Variants in RIMS2 observed in about 807,000 individuals in gnomAD.
RIMS2 encodes regulating synaptic membrane exocytosis 2.
RIMS2 carries 59 observed loss-of-function variants against 174.4 expected under a neutral mutation model. The ratio of observed to expected loss-of-function variants is 0.34; its 90% CI spans 0.27 to 0.42. RIMS2 has a LOEUF of 0.42. Among genes scored for constraint, RIMS2 ranks in the 10% least tolerant of loss-of-function variants. RIMS2 has a pLI of 1.00. For missense variants in RIMS2, 1,620 were observed against 1,666.3 expected, an observed-to-expected ratio of 0.97 and a Z score of 0.48; for synonymous variants, 606 against 572.5, an observed-to-expected ratio of 1.06 and a Z score of -0.84.
At chr8:104,096,914 G>T (rs972439669) in intron 19 of RIMS2, among the ~76,000 whole-genome samples, 4 of 151,716 alleles carry the variant, frequency 2.6e-5, no homozygotes, top group Middle Eastern at 3.5e-3. Flanking sequence ...AATGTTGGTA[G>T]CACTCATTAA....
intron 1 of RIMS2, among the ~76,000 whole-genome samples, chr8:103,530,650 A>G: frequency 6.6e-6 from 1 of 152,314 alleles, no homozygotes. Context: ...TAAAGCAAAA[A>G]TATCACTAGA....
intron 19 of RIMS2, among the ~76,000 whole-genome samples, chr8:104,117,677 T>C (rs1466190768): frequency 6.6e-6 from 1 of 152,172 alleles, no homozygotes; most frequent in Non-Finnish European, 1.5e-5. Context: ...GGGAATGTAA[T>C]TGTGGGCAAA....
At chr8:103,648,083 C>T (rs2096378395) in intron 1 of RIMS2, among the ~76,000 whole-genome samples, 1 of 151,932 alleles carries the variant, frequency 6.6e-6, no homozygotes, top group African/African-American at 2.4e-5. Context: ...CCTAACACTG[C>T]TTTAGCTGCG....
rs527864788 is a variant in RIMS2, at chr8:103,862,432, C to T, written c.699-22866C>T. Among the ~76,000 whole-genome samples the T allele has an allele frequency of 4.6e-5, 7 of 151,676 alleles. No individual in the cohort carries two copies. The East Asian group carries it at 1.2e-3, about 25-fold the overall frequency. Reference sequence around the variant, plus strand: ...TGTGATGCCTCCAGCTTTCATTTCCCTTGGATTGCTTTGGCTATTCAGGCT... The same window carrying T: ...TGTGATGCCTCCAGCTTTCATTTCCTTTGGATTGCTTTGGCTATTCAGGCT... On this transcript the variant is annotated intron_variant, in intron 3 of 23. Transcript: ENST00000504942.
intron 1 of RIMS2, among the ~76,000 whole-genome samples, chr8:103,693,104 C>T (rs2097052608): frequency 6.6e-6 from 1 of 152,178 alleles, no homozygotes; most frequent in Non-Finnish European, 1.5e-5. Flanking sequence ...GGTCTAAATG[C>T]TCCCTCTATG....
chr8:103,977,560 C>T (rs1323442845), intron 16 of RIMS2: 5 of 152,200 alleles, frequency 3.3e-5, no homozygotes, highest in Non-Finnish European at 5.9e-5. Context: ...CACCAAGCGA[C>T]TTGCCAGCAG....
chr8:104,178,300 C>T (rs1229214279), intron 19 of RIMS2, among the ~76,000 whole-genome samples: 1 of 152,120 alleles, frequency 6.6e-6, no homozygotes, highest in African/African-American at 2.4e-5. Context: ...CATCTCCTTG[C>T]TGCCTGTAAG....
At chr8:104,133,765 G>A (rs1047228698) in intron 19 of RIMS2, among the ~76,000 whole-genome samples, 9 of 152,264 alleles carry the variant, frequency 5.9e-5, no homozygotes, top group African/African-American at 1.9e-4. Context: ...CTTAGTGATA[G>A]ATTAGGTATG....
At chr8:103,508,896 C>A (rs910915215) in intron 1 of RIMS2, among the ~76,000 whole-genome samples, 1 of 151,988 alleles carries the variant, frequency 6.6e-6, no homozygotes, top group Non-Finnish European at 1.5e-5. Context: ...GTCAGGTAAA[C>A]TCTTATGATG....
chr8:103,894,152 A>G (rs2099263844), intron 4 of RIMS2, among the ~76,000 whole-genome samples: 1 of 151,300 alleles, frequency 6.6e-6, no homozygotes, highest in Admixed American at 6.6e-5. Flanking sequence ...AGACAAAAAA[A>G]TAACTATTTT....
exon 19 of RIMS2, chr8:104,014,521 T>G: frequency 6.2e-7 from 1 of 1,607,760 alleles, no homozygotes; most frequent in South Asian, 1.1e-5. Context: ...ATCCTCGTAC[T>G]GGGTCTGTCC....
At position 103,932,116 on chromosome 8, in the gene RIMS2, A is replaced by G. The variant is rs147974156; in HGVS notation, c.2375+723A>G. On this transcript the variant is annotated intron_variant, in intron 12 of 23. Coordinates refer to ENST00000504942, the Ensembl canonical transcript of RIMS2. ...CATCATGAAAAAAGAAAGAAGAAAT[A>G]ATACCAGTTACCTTTCCCCAATTAT... Among the ~76,000 whole-genome samples, 231 of 152,342 alleles carry G rather than the reference A, an allele frequency of 1.5e-3. 2 individuals are homozygous for G. The highest frequency in any genetic ancestry group is 5.0e-3 in the African/African-American group (209 of 41,580).
At chr8:103,931,537 CAA>C (rs970556280) in intron 12 of RIMS2, 144 bp downstream of exon 14, 1 of 475,762 alleles carries the variant, frequency 2.1e-6, no homozygotes, top group Non-Finnish European at 3.5e-6. Context: ...TCTTAGGAAA[CAA>C]AATAGTGACA....
rs184320332 is a variant in RIMS2, at chr8:103,874,663, C to T, written c.699-10635C>T. On this transcript the variant is annotated intron_variant, in intron 3 of 23. Coordinates refer to ENST00000504942, the Ensembl canonical transcript of RIMS2. ...CTTTTCTATAAAAGTGTTAAAAACA[C>T]GTAATTTGGAGGAATTTATGTTAAA... 2.0e-4 allele frequency among the ~76,000 whole-genome samples: 31 copies of T among 152,028 alleles called. No homozygotes were observed. The East Asian group carries it at 3.9e-3, about 19-fold the overall frequency.
At chr8:104,040,285 A>G (rs2096586696) in intron 19 of RIMS2, among the ~76,000 whole-genome samples, 1 of 151,692 alleles carries the variant, frequency 6.6e-6, no homozygotes, top group Admixed American at 6.6e-5. Context: ...TAGAATTTGT[A>G]GTATCTGATT....
intron 1 of RIMS2, among the ~76,000 whole-genome samples, chr8:103,510,526 T>G (rs1028309464): frequency 2.0e-5 from 3 of 152,172 alleles, no homozygotes; most frequent in African/African-American, 7.2e-5. Context: ...AAGAATTACG[T>G]TCTTTAAGTT....
At chr8:103,741,648 G>A (rs1021971308) in intron 2 of RIMS2, among the ~76,000 whole-genome samples, 1 of 151,990 alleles carries the variant, frequency 6.6e-6, no homozygotes, top group African/African-American at 2.4e-5. Context: ...GAGGCACCTT[G>A]TTTAAGTCAA....
At chr8:103,644,899 G>C (rs1406791983) in intron 1 of RIMS2, among the ~76,000 whole-genome samples, 2 of 151,864 alleles carry the variant, frequency 1.3e-5, no homozygotes, top group African/African-American at 4.8e-5. Context: ...ACTTGTCACT[G>C]ATTAAGAGCA....
At chr8:103,573,283 T>G (rs1488963917) in intron 1 of RIMS2, among the ~76,000 whole-genome samples, 2 of 152,028 alleles carry the variant, frequency 1.3e-5, no homozygotes, top group East Asian at 3.9e-4. Context: ...AGGCTGGTCT[T>G]GAACTCCTGA....
Sources: allele counts gnomAD v4.1 joint callset (sites outside exome capture counted in the v4.1 genomes callset), GRCh38; gene constraint gnomAD v4.1.1; transcripts MANE v1.5; gene names NCBI Gene and HGNC (gene_info 2026-07-23, HGNC 2026-07-21).